The following MAPK10 variants were observed in gnomAD, a reference collection of about 807,000 sequenced individuals.
The protein encoded by MAPK10 is JNK3 alpha protein kinase.
MAPK10 carries 25 observed loss-of-function variants against 59.3 expected under a neutral mutation model. The observed-to-expected ratio is 0.42, with a 90% CI of 0.31 to 0.59. MAPK10 has a LOEUF of 0.59. MAPK10 is among the 20% of genes least tolerant of loss of function. MAPK10 has a pLI of 0.15. For synonymous variants in MAPK10, 190 were observed against 200.5 expected (o/e 0.95, Z 0.44); for missense variants, 351 against 568.9 (o/e 0.62, Z 3.90).
intron 1 of MAPK10, among the ~76,000 whole-genome samples, chr4:86,522,573 A>C (rs1038898104): frequency 2.0e-5 from 3 of 152,168 alleles, no homozygotes; most frequent in Non-Finnish European, 2.9e-5. Context: ...ACTTAAAAAA[A>C]AAAATTCTCC....
chr4:86,265,630 G>A (rs1170553489), intron 2 of MAPK10, among the ~76,000 whole-genome samples: 2 of 151,626 alleles, frequency 1.3e-5, no homozygotes, highest in African/African-American at 4.9e-5. Flanking sequence ...TTTGGTGAAA[G>A]AGAAAGGAAA....
At chr4:86,029,081 G>A (rs1361953682) in intron 13 of MAPK10, 116 bp downstream of exon 13, 1 of 775,098 alleles carries the variant, frequency 1.3e-6, no homozygotes, top group Non-Finnish European at 2.4e-6. Context: ...ACACAACCAT[G>A]TGATATTTGT....
intron 2 of MAPK10, among the ~76,000 whole-genome samples, chr4:86,230,150 C>T (rs923482102): frequency 2.6e-5 from 4 of 152,116 alleles, no homozygotes; most frequent in African/African-American, 9.7e-5. Flanking sequence ...AAAAAAGGTA[C>T]TTCCCAAACG....
At chr4:86,047,044 TTTTG>T (rs1210766749) in intron 11 of MAPK10, among the ~76,000 whole-genome samples, 3 of 152,080 alleles carry the variant, frequency 2.0e-5, no homozygotes, top group Non-Finnish European at 2.9e-5. Context: ...GTTTTTTTCT[TTTTG>T]TTTTTGTTTT....
rs2093892574 is a variant in MAPK10 at position 86,259,417 on chromosome 4, C to T, written c.-6-65010G>A. Among the ~76,000 whole-genome samples, 3 of 151,984 alleles carry T rather than the reference C, an allele frequency of 2.0e-5. No homozygotes were observed. The South Asian group carries it at 6.2e-4, about 31-fold the overall frequency. On this transcript the variant is annotated intron_variant, in intron 2 of 13. Transcript: ENST00000641462. ...AGCCTTTCACTCACATGATTGTAAC[C>T]TAGATTTATATTTATATGTCTTCTG... is the stretch of plus-strand genomic sequence containing the variant.
chr4:86,554,638 C>T (rs1046387781), intron 1 of MAPK10, among the ~76,000 whole-genome samples: 1 of 152,182 alleles, frequency 6.6e-6, no homozygotes, highest in Admixed American at 6.5e-5. Flanking sequence ...CGATTTCTGT[C>T]CTAGATTATT....
intron 4 of MAPK10, among the ~76,000 whole-genome samples, chr4:86,155,334 T>G (rs1001449252): frequency 6.6e-6 from 1 of 151,918 alleles, no homozygotes; most frequent in African/African-American, 2.4e-5. Context: ...TTTCAAATTT[T>G]TGTCCAAAAC....
intron 1 of MAPK10, among the ~76,000 whole-genome samples, chr4:86,541,056 A>G (rs1198533630): frequency 6.6e-6 from 1 of 152,186 alleles, no homozygotes; most frequent in Non-Finnish European, 1.5e-5. Context: ...GCACCAAGTC[A>G]GGATTGGGGT....
intron 9 of MAPK10, among the ~76,000 whole-genome samples, chr4:86,085,780 G>A (rs2051674158): frequency 6.6e-6 from 1 of 152,202 alleles, no homozygotes; most frequent in Admixed American, 6.5e-5. Context: ...ATATCGAAGA[G>A]ATATCTGCAC....
At chr4:86,242,761 A>T (rs1379171123) in intron 2 of MAPK10, among the ~76,000 whole-genome samples, 1 of 152,160 alleles carries the variant, frequency 6.6e-6, no homozygotes, top group Non-Finnish European at 1.5e-5. Context: ...CTGCCCAGAG[A>T]GCTTAGCATG....
At chr4:86,544,755 T>C (rs1378256706) in intron 1 of MAPK10, among the ~76,000 whole-genome samples, 4 of 152,254 alleles carry the variant, frequency 2.6e-5, no homozygotes, top group Non-Finnish European at 5.9e-5. Context: ...GTATTGAATA[T>C]TGAAAGGAAG....
intron 4 of MAPK10, among the ~76,000 whole-genome samples, chr4:86,132,192 T>G (rs1580885396): frequency 6.6e-6 from 1 of 152,194 alleles, no homozygotes; most frequent in East Asian, 1.9e-4. Flanking sequence ...ACCTAATTAT[T>G]TAATCATTGA....
chr4:86,380,986 T>C (rs1258362553), intron 1 of MAPK10, among the ~76,000 whole-genome samples: 1 of 152,070 alleles, frequency 6.6e-6, no homozygotes, highest in Non-Finnish European at 1.5e-5. Context: ...CAACCCTCAG[T>C]AGGTTGAGGT....
chr4:86,506,935 TAC>T (rs1755785386), intron 1 of MAPK10, among the ~76,000 whole-genome samples: 1 of 152,086 alleles, frequency 6.6e-6, no homozygotes, highest in African/African-American at 2.4e-5. Flanking sequence ...CCCACACTAA[TAC>T]AATATACATA....
chr4:86,263,144 T>C (rs923208096), intron 2 of MAPK10, among the ~76,000 whole-genome samples: 6 of 152,184 alleles, frequency 3.9e-5, no homozygotes, highest in Non-Finnish European at 1.5e-5. Flanking sequence ...GTATGAGTGG[T>C]GGTAACAGCT....
intron 1 of MAPK10, among the ~76,000 whole-genome samples, chr4:86,470,807 G>C (rs1752594463): frequency 6.6e-6 from 1 of 152,020 alleles, no homozygotes; most frequent in Admixed American, 6.6e-5. Flanking sequence ...TATTATACAA[G>C]ATAGTTAAAA....
chr4:86,384,852 C>G (rs1741252762), intron 1 of MAPK10, among the ~76,000 whole-genome samples: 1 of 152,058 alleles, frequency 6.6e-6, no homozygotes, highest in Non-Finnish European at 1.5e-5. Flanking sequence ...AAGAATACAA[C>G]TAAAGTTTTA....
chr4:86,451,370 T>C (rs1750699417), intron 1 of MAPK10, among the ~76,000 whole-genome samples: 1 of 152,100 alleles, frequency 6.6e-6, no homozygotes, highest in South Asian at 2.1e-4. Flanking sequence ...GGTAGAGAGG[T>C]AAAGGAGACC....
rs778433401 is a variant in MAPK10, at chr4:86,075,764, G to A, written c.803-7809C>T. 3.9e-4 allele frequency among the ~76,000 whole-genome samples: 59 copies of A among 152,280 alleles called. No individual in the cohort carries two copies. The Middle Eastern group carries it at 0.017, about 44-fold the overall frequency. On this transcript the variant is annotated intron_variant, in intron 9 of 13. Coordinates refer to ENST00000641462, the MANE Select transcript of MAPK10 (RefSeq NM_138982.4). ...CAGTCTGCCCATTCTCAGATCTCCA[G>A]CTGCGTGCTGGGAGAACCACTGCTC...
Sources: allele counts gnomAD v4.1 joint callset (sites outside exome capture counted in the v4.1 genomes callset), GRCh38; gene constraint gnomAD v4.1.1; transcripts MANE v1.5; gene names NCBI Gene and HGNC (gene_info 2026-07-23, HGNC 2026-07-21).